Variants in TBPL1 observed in about 807,000 individuals in gnomAD.
The protein encoded by TBPL1 is TATA-box binding protein like 1.
TBPL1 carries 4 observed loss-of-function variants against 22.1 expected under a neutral mutation model. The ratio of observed to expected loss-of-function variants is 0.18; its 90% CI spans 0.09 to 0.41. The LOEUF is 0.41. TBPL1 is among the 10% of genes least tolerant of loss of function. The probability of loss-of-function intolerance (pLI) is 1.00; values close to 1 mark genes in which losing one functional copy is unlikely to be tolerated. For synonymous variants in TBPL1, 64 were observed against 71.0 expected (o/e 0.90, Z 0.50); for missense variants, 115 against 222.3 (o/e 0.52, Z 3.07).
At chr6:133,962,355 G>A (rs1033304453) in intron 1 of TBPL1, among the ~76,000 whole-genome samples, 3 of 152,194 alleles carry the variant, frequency 2.0e-5, no homozygotes, top group African/African-American at 7.2e-5. Flanking sequence ...TTAGAAGCCT[G>A]TAGCCATAAT....
chr6:133,981,404 C>A (rs1776410871), intron 2 of TBPL1, among the ~76,000 whole-genome samples: 1 of 152,042 alleles, frequency 6.6e-6, no homozygotes, highest in Non-Finnish European at 1.5e-5. Context: ...TATGTCTGCT[C>A]AAAAGTTTAG....
chr6:133,956,849 T>C (rs1775935543), intron 1 of TBPL1, among the ~76,000 whole-genome samples: 2 of 152,218 alleles, frequency 1.3e-5, no homozygotes, highest in Admixed American at 6.5e-5. Flanking sequence ...CGATATTTGC[T>C]CTTGTCACAT....
At chr6:133,965,155 C>T (rs2114339278) in intron 1 of TBPL1, among the ~76,000 whole-genome samples, 1 of 152,272 alleles carries the variant, frequency 6.6e-6, no homozygotes, top group Admixed American at 6.5e-5. Flanking sequence ...AAAAATTATG[C>T]TGTTTTGTTA....
upstream of TBPL1, chr6:133,952,414 G>A (rs1326838883): frequency 6.5e-6 from 1 of 152,734 alleles, no homozygotes; most frequent in Non-Finnish European, 1.5e-5. This position sits in a 1 kb window ranked among gnomAD's most constrained non-coding sequence, Gnocchi z 4.5. Context: ...CATCCTTCCT[G>A]GATCCGCCTC....
chr6:133,962,858 C>T (rs1204025309), intron 1 of TBPL1, among the ~76,000 whole-genome samples: 1 of 152,114 alleles, frequency 6.6e-6, no homozygotes, highest in Non-Finnish European at 1.5e-5. Context: ...TTGAGCTTTT[C>T]AGGGTCTGGC....
intron 1 of TBPL1, among the ~76,000 whole-genome samples, chr6:133,972,507 A>G (rs1313219909): frequency 6.6e-6 from 1 of 152,198 alleles, no homozygotes; most frequent in African/African-American, 2.4e-5. Flanking sequence ...GCCAGAGAGT[A>G]AATATTTTAG....
intron 1 of TBPL1, 64 bp from the exon 2 acceptor site, chr6:133,980,017 CA>C: frequency 8.4e-7 from 1 of 1,189,126 alleles, no homozygotes; most frequent in Non-Finnish European, 1.1e-6. Flanking sequence ...ATTTCAATTT[CA>C]AAATTGTGAA....
At chr6:133,965,536 C>T (rs976768709) in intron 1 of TBPL1, among the ~76,000 whole-genome samples, 3 of 151,848 alleles carry the variant, frequency 2.0e-5, no homozygotes, top group Non-Finnish European at 4.4e-5. Flanking sequence ...CCCCTCAGCA[C>T]CACCAAAAAA....
chr6:133,977,262 C>G (rs929925939), intron 1 of TBPL1, among the ~76,000 whole-genome samples: 2 of 152,052 alleles, frequency 1.3e-5, no homozygotes, highest in African/African-American at 4.8e-5. Flanking sequence ...TTTTCTGAGC[C>G]TGCTTTTCAG....
Position 133,983,651 on chromosome 6 carries a change from C to T in TBPL1, c.283-725C>T, listed in dbSNP as rs375086089. The stretch of plus-strand genomic sequence containing the variant: ...GCCACTTTGCGGTTTCCTGGCTTTG[C>T]GCAACTGCTGTGTGCAAGGCTGAGT... On this transcript the variant is annotated intron_variant, in intron 4 of 6. Transcript: ENST00000237264. Among the ~76,000 whole-genome samples the T allele has an allele frequency of 6.4e-4, 98 of 152,216 alleles. 4 individuals carry two copies. The South Asian group carries it at 0.02, about 31-fold the overall frequency.
chr6:133,989,368 T>C lies in TBPL1; in HGVS notation c.*2328T>C, dbSNP rs1313505758. ...ATAATAAAAGAAAAATATAAAAGAA[T>C]GCTCAAGATACTGAAGTCAAGGTCA... is the stretch of plus-strand genomic sequence containing the variant. On this transcript the variant is annotated 3_prime_UTR_variant, in exon 7 of 7. Transcript: ENST00000237264. 1 of 152,082 alleles carries C rather than the reference T, an allele frequency of 6.6e-6. No homozygotes were observed. Among genetic ancestry groups the C allele is most frequent in the African/African-American group, 2.4e-5 (1 of 41,406 alleles). The allele number at this position is 152,082 out of a possible 1,614,324, so 9.4% of individuals were successfully genotyped here.
At chr6:133,953,734 G>A (rs1220554027) in intron 1 of TBPL1, among the ~76,000 whole-genome samples, 3 of 151,942 alleles carry the variant, frequency 2.0e-5, no homozygotes, top group Non-Finnish European at 2.9e-5. Flanking sequence ...GAAAAGAAGG[G>A]TTATCTTTCG....
intron 6 of TBPL1, among the ~76,000 whole-genome samples, chr6:133,985,298 ATATATATATATATAT>A (rs1299937524): frequency 0.055 from 1,711 of 31,110 alleles, 536 homozygotes; most frequent in Non-Finnish European, 0.073. Flanking sequence ...AAAAAAAAAA[ATATATATATATATAT>A]ATATATATAT....
Position 133,984,361 on chromosome 6 carries a change from A to G in TBPL1, c.283-15A>G, listed in dbSNP as rs997856856. The G allele has an allele frequency of 3.9e-6, 6 of 1,555,912 alleles. No homozygotes were observed. In the African/African-American group the frequency reaches 5.5e-5, roughly 14 times the overall value. On this transcript the variant is annotated splice_polypyrimidine_tract_variant and intron_variant, in intron 4 of 6. Transcript: ENST00000237264. ...TTTCAAAATAAATTTATTGAATTTT[A>G]CTTCTCTCCTAAAGGTAATATTTAC...
chr6:133,986,258 G>C (rs1427664825), intron 6 of TBPL1, among the ~76,000 whole-genome samples: 3 of 152,158 alleles, frequency 2.0e-5, no homozygotes, highest in African/African-American at 7.2e-5. Context: ...GTGTGTATTG[G>C]TGAAGCCATT....
At chr6:133,982,019 A>G (rs975629640) in intron 2 of TBPL1, among the ~76,000 whole-genome samples, 4 of 152,174 alleles carry the variant, frequency 2.6e-5, no homozygotes, top group Non-Finnish European at 5.9e-5. Flanking sequence ...CTAGGATGCA[A>G]TATAAAGTAG....
chr6:133,964,980 C>T (rs371594453), intron 1 of TBPL1, among the ~76,000 whole-genome samples: 2 of 152,144 alleles, frequency 1.3e-5, no homozygotes, highest in Non-Finnish European at 1.5e-5. Flanking sequence ...ATCAGTGCTT[C>T]AAGTTTGAGC....
rs1003638396 is a variant in TBPL1 at position 133,969,446 on chromosome 6, C to T, written c.-44-10636C>T. On this transcript the variant is annotated intron_variant, in intron 1 of 6. Transcript: ENST00000237264. ...CAGACTGAATATCTAGATTGAGTCT[C>T]ATAGATAGTAGGTAGTCATATGTAA... 2.0e-5 allele frequency among the ~76,000 whole-genome samples: 3 copies of T among 152,042 alleles called. No individual in the cohort carries two copies. The East Asian group carries it at 5.8e-4, about 29-fold the overall frequency.
chr6:133,982,657 G>C lies in TBPL1; in HGVS notation c.218+7G>C. ...TTTGCACTGGAGCAACAAGGTAAATGCTACTTGGGTTTTTTGTTTTTATTT... is the reference window on the plus strand; with the variant it reads ...TTTGCACTGGAGCAACAAGGTAAATCCTACTTGGGTTTTTTGTTTTTATTT... On this transcript the variant is annotated splice_region_variant and intron_variant, in intron 3 of 6. Transcript: ENST00000237264. 6.2e-7 allele frequency: 1 copy of C among 1,608,590 alleles called. No individual in the cohort carries two copies.
Sources: gnomAD v4.1 joint callset for allele counts (sites outside exome capture counted in the v4.1 genomes callset) on GRCh38, gnomAD v4.1.1 for gene constraint, Gnocchi (gnomAD v3.1) non-coding constraint, MANE v1.5 for transcripts, NCBI Gene and HGNC (gene_info 2026-07-23, HGNC 2026-07-21) for gene names.